The following IGF1R variants were observed in gnomAD, a reference collection of about 807,000 sequenced individuals.
IGF1R encodes the protein insulin like growth factor 1 receptor.
A neutral mutation model predicts 144.6 loss-of-function variants in IGF1R; 44 were observed. The ratio of observed to expected loss-of-function variants is 0.30; its 90% confidence interval spans 0.24 to 0.39. IGF1R has a LOEUF of 0.39. Among genes scored for constraint, IGF1R ranks in the 10% least tolerant of loss-of-function variants. The pLI, the probability that IGF1R is intolerant of heterozygous loss-of-function variation, is 1.00. For synonymous variants in IGF1R, 795 were observed against 722.8 expected (o/e 1.10, Z -1.60); for missense variants, 1,355 against 1,833.7 (o/e 0.74, Z 4.77).
chr15:98,879,922 A>C (rs978554327), intron 2 of IGF1R, among the ~76,000 whole-genome samples: 23 of 152,244 alleles, frequency 1.5e-4, no homozygotes, highest in Admixed American at 5.9e-4. Context: ...AAATATCCAG[A>C]ATAGGCAAAT....
At position 98,899,601 on chromosome 15, in the gene IGF1R, A is replaced by G. The variant is rs991051451; in HGVS notation, c.1227A>G (p.Leu409=). The part of the protein sequence containing the change: ...LSFLKNLRLI[L]GEEQLEGNYS... ...TCCTAAAAAACCTTCGCCTCATCCT[A>G]GGAGAGGAGCAGCTAGAAGGGTAAG... The change falls in exon 5 of 21, where the codon CTA becomes CTG. Residue 409 remains leucine, a synonymous_variant. Coordinates refer to ENST00000650285, the MANE Select transcript of IGF1R (RefSeq NM_000875.5). 4 of 1,614,090 alleles carry G rather than the reference A, an allele frequency of 2.5e-6. No individual in the cohort carries two copies. In the Admixed American group the frequency reaches 6.7e-5, roughly 27 times the overall value.
intron 19 of IGF1R, among the ~76,000 whole-genome samples, chr15:98,946,368 A>C (rs1419031955): frequency 1.3e-5 from 2 of 152,082 alleles, no homozygotes; most frequent in Non-Finnish European, 2.9e-5. Context: ...CTAATTCTTT[A>C]AGCCCTGTTA....
At position 98,960,905 on chromosome 15, in the gene IGF1R, G is replaced by GCCCCC; in HGVS notation, c.*3467_*3471dup. The GCCCCC allele has an allele frequency of 4.3e-6, 1 of 232,424 alleles. No homozygotes were observed. 14.4% of individuals were successfully genotyped at this position (232,424 alleles called of 1,614,324 possible). ...CCGGCGCCGAGGCTCGTGGCGTCACGCCCCCCCCGCCAGGGCTGTACCTCC... is the reference window on the plus strand; with the variant it reads ...CCGGCGCCGAGGCTCGTGGCGTCACGCCCCCCCCCCCCCGCCAGGGCTGTACCTCC... On this transcript the variant is annotated 3_prime_UTR_variant, in exon 21 of 21. Transcript: ENST00000650285.
intron 2 of IGF1R, among the ~76,000 whole-genome samples, chr15:98,870,719 A>G (rs1323055756): frequency 6.6e-6 from 1 of 152,226 alleles, no homozygotes; most frequent in Non-Finnish European, 1.5e-5. Flanking sequence ...AAGAGTGCCC[A>G]TACCAGGAAA....
intron 1 of IGF1R, among the ~76,000 whole-genome samples, chr15:98,673,545 C>T (rs1249246094): frequency 6.6e-6 from 1 of 152,230 alleles, no homozygotes; most frequent in Non-Finnish European, 1.5e-5. Flanking sequence ...ACACCTTTAA[C>T]TCTTAGTAGC....
At chr15:98,715,567 T>C (rs1424439186) in intron 2 of IGF1R, among the ~76,000 whole-genome samples, 1 of 152,228 alleles carries the variant, frequency 6.6e-6, no homozygotes, top group Non-Finnish European at 1.5e-5. Flanking sequence ...TGTATGCCAG[T>C]GTGACATTCT....
chr15:98,868,373 G>C (rs149197070), intron 2 of IGF1R, among the ~76,000 whole-genome samples: 6 of 122,774 alleles, frequency 4.9e-5, no homozygotes, highest in Non-Finnish European at 6.6e-5. Context: ...TTTTTTTTGG[G>C]GGGGGGGTCC....
At chr15:98,922,587 A>T in intron 11 of IGF1R, 156 bp downstream of exon 11, 5 of 834,068 alleles carry the variant, frequency 6.0e-6, no homozygotes, top group Non-Finnish European at 9.6e-6. Flanking sequence ...TGGCGTGTAG[A>T]CCAGCTGCCC....
intron 18 of IGF1R, among the ~76,000 whole-genome samples, chr15:98,941,321 G>A (rs1458316901): frequency 4.6e-5 from 7 of 152,228 alleles, no homozygotes; most frequent in Non-Finnish European, 1.0e-4. Context: ...GCACATGGGG[G>A]GAACTCAGTT....
intron 6 of IGF1R, among the ~76,000 whole-genome samples, chr15:98,909,417 C>G (rs1046501108): frequency 1.3e-5 from 2 of 152,040 alleles, no homozygotes; most frequent in African/African-American, 4.8e-5. Context: ...TGCCACCATG[C>G]CCAGCTAATT....
intron 2 of IGF1R, among the ~76,000 whole-genome samples, chr15:98,758,923 G>A (rs990124000): frequency 9.8e-5 from 15 of 152,330 alleles, no homozygotes; most frequent in Admixed American, 6.5e-5. Flanking sequence ...AGATGTGCAT[G>A]TCTGCATTTG....
intron 2 of IGF1R, among the ~76,000 whole-genome samples, chr15:98,820,192 A>C (rs1336288537): frequency 3.8e-5 from 3 of 78,126 alleles, no homozygotes; most frequent in Non-Finnish European, 5.0e-5. Flanking sequence ...GGAATTGCTG[A>C]TGCTATTTTC....
chr15:98,794,605 G>T (rs1209765821), intron 2 of IGF1R, among the ~76,000 whole-genome samples: 1 of 152,182 alleles, frequency 6.6e-6, no homozygotes, highest in African/African-American at 2.4e-5. Context: ...TGATTTGTCT[G>T]TGTAAAGTTC....
intron 2 of IGF1R, among the ~76,000 whole-genome samples, chr15:98,865,580 G>A (rs967091664): frequency 6.6e-6 from 1 of 152,220 alleles, no homozygotes; most frequent in South Asian, 2.1e-4. Context: ...GGGCCCGGGC[G>A]TGGCTTTGTG....
At chr15:98,929,725 G>A in intron 14 of IGF1R, 65 bp downstream of exon 14, 1 of 1,065,530 alleles carries the variant, frequency 9.4e-7, no homozygotes, top group East Asian at 2.4e-5. Flanking sequence ...GAATGTGAGT[G>A]AAGGTGATAT....
At chr15:98,915,479 G>C (rs1189891751) in intron 8 of IGF1R, among the ~76,000 whole-genome samples, 1 of 152,138 alleles carries the variant, frequency 6.6e-6, no homozygotes, top group African/African-American at 2.4e-5. Flanking sequence ...CACACACACA[G>C]ACTCTCCAGG....
chr15:98,868,533 C>G (rs116050552), intron 2 of IGF1R, among the ~76,000 whole-genome samples: 2 of 151,870 alleles, frequency 1.3e-5, no homozygotes, highest in Middle Eastern at 3.4e-3. Context: ...CTACGAGTTA[C>G]GAGAATTACG....
intron 2 of IGF1R, among the ~76,000 whole-genome samples, chr15:98,858,222 T>A (rs1396728961): frequency 6.6e-6 from 1 of 152,238 alleles, no homozygotes; most frequent in African/African-American, 2.4e-5. Flanking sequence ...GAAACACTCA[T>A]TTGAGTTTAA....
At chr15:98,712,147 C>A (rs2141266204) in intron 2 of IGF1R, among the ~76,000 whole-genome samples, 1 of 152,220 alleles carries the variant, frequency 6.6e-6, no homozygotes, top group African/African-American at 2.4e-5. Context: ...TTTTCACTTT[C>A]CTTGTTCTCA....
Sources: gnomAD v4.1 joint callset for allele counts (sites outside exome capture counted in the v4.1 genomes callset) on GRCh38, gnomAD v4.1.1 for gene constraint, MANE v1.5 for transcripts, NCBI Gene and HGNC (gene_info 2026-07-23, HGNC 2026-07-21) for gene names.